Variants in KCNJ3 observed in about 807,000 individuals in gnomAD.
The protein encoded by KCNJ3 is potassium inwardly rectifying channel subfamily J member 3.
KCNJ3 carries 4 observed loss-of-function variants against 39.2 expected under a neutral mutation model. The ratio of observed to expected loss-of-function variants is 0.10; its 90% CI spans 0.05 to 0.23. KCNJ3 has a LOEUF of 0.23. Among genes scored for constraint, KCNJ3 ranks in the 10% least tolerant of loss-of-function variants. The pLI is 1.00. For synonymous variants in KCNJ3, 230 were observed against 237.4 expected (o/e 0.97, Z 0.29); for missense variants, 276 against 634.9 (o/e 0.43, Z 6.08).
intron 2 of KCNJ3, among the ~76,000 whole-genome samples, chr2:154,829,936 G>T (rs1393875089): frequency 6.6e-6 from 1 of 151,982 alleles, no homozygotes; most frequent in African/African-American, 2.4e-5. Flanking sequence ...ATCTTCTTTG[G>T]AAAAGTCCCA....
intron 2 of KCNJ3, among the ~76,000 whole-genome samples, chr2:154,741,873 T>G (rs921989745): frequency 6.6e-6 from 1 of 151,954 alleles, no homozygotes; most frequent in Non-Finnish European, 1.5e-5. Context: ...CCTGTATTTT[T>G]TGTGGTAAAA....
chr2:154,834,642 T>G (rs900142073), intron 2 of KCNJ3, among the ~76,000 whole-genome samples: 1 of 150,512 alleles, frequency 6.6e-6, no homozygotes, highest in African/African-American at 2.4e-5. Context: ...GACAGGAGAA[T>G]GGCGTGAACC....
intron 2 of KCNJ3, among the ~76,000 whole-genome samples, chr2:154,832,112 A>G (rs1687373719): frequency 1.3e-5 from 2 of 152,128 alleles, no homozygotes; most frequent in African/African-American, 2.4e-5. Flanking sequence ...TGGAGAATGC[A>G]TTGCACCAAG....
rs772357888 is a variant in KCNJ3, at chr2:154,699,138, G to T, written c.363G>T (p.Thr121=). The part of the protein sequence containing the change: ...DLNKAHVGNY[T]PCVANVYNFP... ...ACAAAGCCCACGTCGGTAACTACACGCCTTGCGTGGCCAATGTCTATAACT... is the reference window on the plus strand; with the variant it reads ...ACAAAGCCCACGTCGGTAACTACACTCCTTGCGTGGCCAATGTCTATAACT... Residue 121 remains threonine (T), a synonymous_variant, in exon 1 of 3, where the codon ACG becomes ACT. Transcript: ENST00000295101. This position sits in a 1 kb window ranked among gnomAD's most constrained non-coding sequence, Gnocchi z 6.4. 2 of 1,614,204 alleles carry T rather than the reference G, an allele frequency of 1.2e-6. No individual in the cohort carries two copies. Among genetic ancestry groups the T allele is most frequent in the East Asian group, 4.5e-5 (2 of 44,856 alleles).
At chr2:154,735,482 A>T (rs531180319) in intron 2 of KCNJ3, among the ~76,000 whole-genome samples, 141 of 152,276 alleles carry the variant, frequency 9.3e-4, no homozygotes, top group African/African-American at 3.2e-3. Flanking sequence ...AATCAGTTTT[A>T]CAGGGTAAGA....
chr2:154,760,435 A>G (rs923018801), intron 2 of KCNJ3, among the ~76,000 whole-genome samples: 1 of 152,102 alleles, frequency 6.6e-6, no homozygotes, highest in East Asian at 1.9e-4. Flanking sequence ...TCAGTTTATT[A>G]TTAAATTTAT....
At chr2:154,810,233 C>G (rs1686984999) in intron 2 of KCNJ3, among the ~76,000 whole-genome samples, 1 of 152,098 alleles carries the variant, frequency 6.6e-6, no homozygotes, top group South Asian at 2.1e-4. Context: ...CAACTGTGTG[C>G]CACCACGCCT....
rs187852396 is a variant in KCNJ3, at chr2:154,843,863, T to C, written c.920-10864T>C. Reference sequence around the variant, plus strand: ...CTAATCTTTCTTTTTTCAAGGTTTTTACCTTCCTTGCTATGGGTTCTAACA... The same window carrying C: ...CTAATCTTTCTTTTTTCAAGGTTTTCACCTTCCTTGCTATGGGTTCTAACA... On this transcript the variant is annotated intron_variant, in intron 2 of 2. Coordinates refer to ENST00000295101, the MANE Select transcript of KCNJ3 (RefSeq NM_002239.4). Among the ~76,000 whole-genome samples, 61 of 152,316 alleles carry C rather than the reference T, an allele frequency of 4.0e-4. No homozygotes were observed. The East Asian group carries it at 8.3e-3, about 21-fold the overall frequency.
At chr2:154,738,984 T>C (rs1216933789) in intron 2 of KCNJ3, among the ~76,000 whole-genome samples, 2 of 152,098 alleles carry the variant, frequency 1.3e-5, no homozygotes, top group African/African-American at 4.8e-5. Context: ...GTTCTTACTT[T>C]GAATTACTTC....
intron 2 of KCNJ3, among the ~76,000 whole-genome samples, chr2:154,829,652 G>A (rs1425329517): frequency 6.6e-6 from 1 of 152,144 alleles, no homozygotes. Flanking sequence ...ACCCAGTAAA[G>A]GGATGGCTAG....
intron 2 of KCNJ3, among the ~76,000 whole-genome samples, chr2:154,817,576 G>A (rs1385214084): frequency 2.0e-5 from 3 of 152,110 alleles, no homozygotes; most frequent in African/African-American, 7.2e-5. Flanking sequence ...TTAAAGAAGA[G>A]ACAGCTCTAT....
intron 2 of KCNJ3, among the ~76,000 whole-genome samples, chr2:154,745,761 T>C (rs1685729565): frequency 6.6e-6 from 1 of 152,082 alleles, no homozygotes; most frequent in East Asian, 1.9e-4. Flanking sequence ...AACCTGGACA[T>C]TAATTGAAAC....
At chr2:154,704,775 C>T (rs1684972582) in intron 1 of KCNJ3, among the ~76,000 whole-genome samples, 2 of 152,136 alleles carry the variant, frequency 1.3e-5, no homozygotes, top group Admixed American at 6.5e-5. Context: ...ATTCTGGTAC[C>T]TGCGTTTGGC....
chr2:154,791,477 G>A (rs76275613), intron 2 of KCNJ3, among the ~76,000 whole-genome samples: 5 of 151,942 alleles, frequency 3.3e-5, no homozygotes, highest in African/African-American at 1.2e-4. Context: ...ATTCAAGAGA[G>A]GTTATAAAAC....
intron 2 of KCNJ3, among the ~76,000 whole-genome samples, chr2:154,730,848 C>T (rs1196537555): frequency 6.6e-6 from 1 of 151,988 alleles, no homozygotes; most frequent in Non-Finnish European, 1.5e-5. Context: ...AATATATTGT[C>T]AAATCACACC....
intron 2 of KCNJ3, among the ~76,000 whole-genome samples, chr2:154,844,914 C>T (rs929749370): frequency 2.0e-5 from 3 of 152,158 alleles, no homozygotes; most frequent in Non-Finnish European, 4.4e-5. Flanking sequence ...GGTGAGGCGA[C>T]GCCTTGCCCT....
chr2:154,741,406 A>G (rs1312127338), intron 2 of KCNJ3, among the ~76,000 whole-genome samples: 1 of 150,022 alleles, frequency 6.7e-6, no homozygotes, highest in African/African-American at 2.5e-5. Flanking sequence ...TAACTTTGAT[A>G]TGTCATTTTA....
chr2:154,787,998 T>C (rs1000016690), intron 2 of KCNJ3, among the ~76,000 whole-genome samples: 4 of 152,122 alleles, frequency 2.6e-5, no homozygotes, highest in Non-Finnish European at 5.9e-5. Context: ...GAAAGACACA[T>C]AGACATCTGT....
At chr2:154,825,837 C>T (rs898070280) in intron 2 of KCNJ3, among the ~76,000 whole-genome samples, 3 of 151,116 alleles carry the variant, frequency 2.0e-5, no homozygotes, top group Non-Finnish European at 4.4e-5. Flanking sequence ...CCTCGGCTTC[C>T]CAAAGTGCTG....
Sources: gnomAD v4.1 joint callset for allele counts (sites outside exome capture counted in the v4.1 genomes callset) on GRCh38, gnomAD v4.1.1 for gene constraint, Gnocchi (gnomAD v3.1) non-coding constraint, MANE v1.5 for transcripts, NCBI Gene and HGNC (gene_info 2026-07-23, HGNC 2026-07-21) for gene names.